The following OGFOD3 variants were observed in gnomAD, a reference collection of about 807,000 sequenced individuals.
OGFOD3 encodes the protein 2-oxoglutarate and iron-dependent oxygenase domain-containing protein 3.
OGFOD3 carries 35 observed loss-of-function variants against 39.8 expected under a neutral mutation model. That is an observed-to-expected ratio of 0.88 (90% CI 0.67 to 1.17). The LOEUF is 1.17. Among genes scored for constraint, OGFOD3 ranks in the 50% most tolerant of loss-of-function variants. OGFOD3 has a pLI of 0.00. For missense variants in OGFOD3, 438 were observed against 454.5 expected (o/e 0.96, Z 0.33); for synonymous variants, 200 against 192.0 (o/e 1.04, Z -0.34).
chr17:82,392,348 C>A lies in OGFOD3; in HGVS notation c.*50G>T. 1 of 1,582,490 alleles carries A rather than the reference C, an allele frequency of 6.3e-7. No individual in the cohort carries two copies. Among genetic ancestry groups the A allele is most frequent in the Non-Finnish European group, 8.6e-7 (1 of 1,165,530 alleles). On this transcript the variant is annotated 3_prime_UTR_variant, in exon 9 of 9. Transcript: ENST00000313056. This position sits in a 1 kb window ranked among gnomAD's most constrained non-coding sequence, Gnocchi z 4.2. The stretch of plus-strand genomic sequence containing the variant: ...CGTGGGGGTGGGTGCACGACTGGCG[C>A]GGCTGCCTCCACACGGGCCCTCCTG...
Position 82,411,448 on chromosome 17 carries a change from C to A in OGFOD3, c.380+7G>T, listed in dbSNP as rs139933187. 5.3e-5 allele frequency: 85 copies of A among 1,613,478 alleles called. 1 individual carries two copies. The African/African-American group carries it at 8.5e-4, about 16-fold the overall frequency. On this transcript the variant is annotated splice_region_variant and intron_variant, in intron 3 of 8. Transcript: ENST00000313056. Reference sequence around the variant, plus strand: ...GAATCCCACCGTGCTCAGGGACAGGCGGTTACCTGCGAATCCGCTCCGCTT... The same window carrying A: ...GAATCCCACCGTGCTCAGGGACAGGAGGTTACCTGCGAATCCGCTCCGCTT...
intron 1 of OGFOD3, chr17:82,417,128 T>G (rs2053069554): frequency 6.6e-6 from 1 of 152,260 alleles, no homozygotes; most frequent in Non-Finnish European, 1.5e-5. Flanking sequence ...CATGTATGTT[T>G]ATACTTGAAA....
intron 2 of OGFOD3, among the ~76,000 whole-genome samples, chr17:82,414,050 A>G (rs1011275490): frequency 2.0e-5 from 3 of 152,216 alleles, no homozygotes; most frequent in African/African-American, 7.2e-5. Context: ...CACCACCTCC[A>G]GAACTTTTCC....
Position 82,406,829 on chromosome 17 carries a change from G to A in OGFOD3, c.424-347C>T, listed in dbSNP as rs9892212. ...ATTACCTAGGCTGGTCTCGAACTCC[G>A]GGGCTCAAGTGATCCTCCCACCTCA... is the stretch of plus-strand genomic sequence containing the variant. On this transcript the variant is annotated intron_variant, in intron 4 of 8. Coordinates refer to ENST00000313056, the MANE Select transcript of OGFOD3 (RefSeq NM_024648.3). The surrounding 1 kb of genome is among the most constrained non-coding windows in gnomAD (Gnocchi z 5.2). Among the ~76,000 whole-genome samples the A allele has an allele frequency of 5.6e-3, 846 of 152,104 alleles. 6 individuals carry two copies. Among genetic ancestry groups the A allele is most frequent in the African/African-American group, 0.019 (785 of 41,500 alleles).
At position 82,406,376 on chromosome 17, in the gene OGFOD3, C is replaced by G. The variant is rs758864846; in HGVS notation, c.488+42G>C. 1.3e-6 allele frequency: 2 copies of G among 1,587,668 alleles called. No homozygotes were observed. Among genetic ancestry groups the G allele is most frequent in the Admixed American group, 3.3e-5 (2 of 59,942 alleles). ...GCTAAGAGGCACGGAGCCGCTCACTCGGCTTTCAGAGCCAGCACTGAGGTC... is the reference window on the plus strand; with the variant it reads ...GCTAAGAGGCACGGAGCCGCTCACTGGGCTTTCAGAGCCAGCACTGAGGTC... On this transcript the variant is annotated intron_variant, in intron 5 of 8. Coordinates refer to ENST00000313056, the MANE Select transcript of OGFOD3 (RefSeq NM_024648.3). The surrounding 1 kb of genome is among the most constrained non-coding windows in gnomAD (Gnocchi z 5.2).
Position 82,415,503 on chromosome 17 carries a change from C to T in OGFOD3, c.199G>A (p.Asp67Asn), listed in dbSNP as rs764150762. Residue 67 changes from aspartate (D) to asparagine (N), a missense_variant, in exon 2 of 9, where the codon GAC becomes AAC. By Grantham distance (23) the Asp-to-Asn change is conservative. Coordinates refer to ENST00000313056, the MANE Select transcript of OGFOD3 (RefSeq NM_024648.3). The surrounding 1 kb of genome is among the most constrained non-coding windows in gnomAD (Gnocchi z 5.3). Reference protein sequence around the residue: ...ALLLWSSLGADDGVAEVLARR... With the variant: ...ALLLWSSLGANDGVAEVLARR... ...GCCAGGACCTCTGCGACCCCGTCGT[C>T]GGCCCCCAAGCTGCTCCAGAGCAGG... is the stretch of plus-strand genomic sequence containing the variant. 8 of 1,613,682 alleles carry T rather than the reference C, an allele frequency of 5.0e-6. No homozygotes were observed. The highest frequency in any genetic ancestry group is 5.9e-6 in the Non-Finnish European group (7 of 1,179,958).
At chr17:82,416,662 T>G (rs1429070066) in intron 1 of OGFOD3, among the ~76,000 whole-genome samples, 1 of 136,932 alleles carries the variant, frequency 7.3e-6, no homozygotes, top group Non-Finnish European at 1.5e-5. Flanking sequence ...TTTATTTTTT[T>G]ATTTTTATTT....
chr17:82,400,529 A>T (rs570339440), intron 7 of OGFOD3, among the ~76,000 whole-genome samples: 1 of 152,352 alleles, frequency 6.6e-6, no homozygotes, highest in East Asian at 1.9e-4. Flanking sequence ...AACTGACAGA[A>T]TGCGGTATTC....
chr17:82,402,484 C>T (rs529579661), intron 7 of OGFOD3, among the ~76,000 whole-genome samples: 1 of 151,586 alleles, frequency 6.6e-6, no homozygotes, highest in African/African-American at 2.4e-5. Flanking sequence ...TGGTAGCTCA[C>T]GCTTGTAATC....
At chr17:82,408,453 C>A (rs929714571) in intron 4 of OGFOD3, among the ~76,000 whole-genome samples, 1 of 152,224 alleles carries the variant, frequency 6.6e-6, no homozygotes, top group African/African-American at 2.4e-5. Context: ...CCAGCCACTG[C>A]CCAACAGGAG....
chr17:82,394,312 A>G, intron 8 of OGFOD3: 1 of 1,514,798 alleles, frequency 6.6e-7, no homozygotes, highest in Non-Finnish European at 8.8e-7. Flanking sequence ...TCTTTAGTAA[A>G]TGACTATTAG....
At chr17:82,407,311 T>C (rs1345279762) in intron 4 of OGFOD3, among the ~76,000 whole-genome samples, 5 of 152,016 alleles carry the variant, frequency 3.3e-5, no homozygotes, top group African/African-American at 7.2e-5. Flanking sequence ...TTGTTCCCTG[T>C]GACCTAAAGA....
intron 2 of OGFOD3, among the ~76,000 whole-genome samples, chr17:82,414,612 C>T (rs2053003181): frequency 6.6e-6 from 1 of 152,284 alleles, no homozygotes; most frequent in East Asian, 1.9e-4. Context: ...TTCTTGACTC[C>T]GAGGCGGTCC....
At chr17:82,405,986 G>A (rs1002121981) in intron 5 of OGFOD3, among the ~76,000 whole-genome samples, 4 of 152,048 alleles carry the variant, frequency 2.6e-5, no homozygotes, top group African/African-American at 7.2e-5. Flanking sequence ...GGAGCCAGCC[G>A]GGAGCAAGAC....
rs2052943059 is a variant in OGFOD3 at position 82,411,531 on chromosome 17, C to T, written c.305-1G>A. 6.2e-7 allele frequency: 1 copy of T among 1,613,810 alleles called. No individual in the cohort carries two copies. Among genetic ancestry groups the T allele is most frequent in the Non-Finnish European group, 8.5e-7 (1 of 1,179,840 alleles). On this transcript the variant is annotated splice_acceptor_variant, in intron 2 of 8. Transcript: ENST00000313056. LOFTEE classifies it high-confidence loss of function. ...CTGCCGCACTTTCGGGGAGTGCAGCCTGTGAAGGGACAGCCAGGGTGAGAC... is the reference window on the plus strand; with the variant it reads ...CTGCCGCACTTTCGGGGAGTGCAGCTTGTGAAGGGACAGCCAGGGTGAGAC...
chr17:82,405,316 C>T lies in OGFOD3; in HGVS notation c.545+8G>A. 6 of 1,613,676 alleles carry T rather than the reference C, an allele frequency of 3.7e-6. No homozygotes were observed. Among genetic ancestry groups the T allele is most frequent in the Non-Finnish European group, 5.1e-6 (6 of 1,179,550 alleles). Reference sequence around the variant, plus strand: ...CTGCGAACCCCCACCCGCCTCACTCCTCCTTACCGGTATAACCGGAAGTCC... The same window carrying T: ...CTGCGAACCCCCACCCGCCTCACTCTTCCTTACCGGTATAACCGGAAGTCC... On this transcript the variant is annotated splice_region_variant and intron_variant, in intron 6 of 8. Coordinates refer to ENST00000313056, the MANE Select transcript of OGFOD3 (RefSeq NM_024648.3).
rs2052574999 is a variant in OGFOD3, at chr17:82,389,238, G to A, written c.*3160C>T. The A allele has an allele frequency of 6.6e-6, 1 of 152,144 alleles. No individual in the cohort carries two copies. Among genetic ancestry groups the A allele is most frequent in the South Asian group, 2.1e-4 (1 of 4,826 alleles). The allele number at this position is 152,144 out of a possible 1,614,324, so 9.4% of individuals were successfully genotyped here. The stretch of plus-strand genomic sequence containing the variant: ...CCCTCCTAGATTCTTTATTTTGAAA[G>A]GAATAATCATCTTTGACTTTAATGA... On this transcript the variant is annotated 3_prime_UTR_variant, in exon 9 of 9. Coordinates refer to ENST00000313056, the MANE Select transcript of OGFOD3 (RefSeq NM_024648.3). This position sits in a 1 kb window ranked among gnomAD's most constrained non-coding sequence, Gnocchi z 4.6.
intron 2 of OGFOD3, among the ~76,000 whole-genome samples, chr17:82,411,982 C>T (rs72490488): frequency 6.6e-6 from 1 of 151,320 alleles, no homozygotes; most frequent in Admixed American, 6.6e-5. Flanking sequence ...GAGGGGGGAA[C>T]CCTCCTGAGA....
chr17:82,394,475 C>T (rs765536437), intron 8 of OGFOD3: 1 of 1,613,980 alleles, frequency 6.2e-7, no homozygotes, highest in Non-Finnish European at 8.5e-7. Context: ...TTCGCACCAG[C>T]AGCTTCACTG....
Sources: gnomAD v4.1 joint callset for allele counts (sites outside exome capture counted in the v4.1 genomes callset) on GRCh38, gnomAD v4.1.1 for gene constraint, Gnocchi (gnomAD v3.1) non-coding constraint, MANE v1.5 for transcripts, NCBI Gene and HGNC (gene_info 2026-07-23, HGNC 2026-07-21) for gene names.